Variants in FRMD4A observed in about 807,000 individuals in gnomAD.
FRMD4A encodes the protein FERM domain-containing protein 4A.
A neutral mutation model predicts 129.1 loss-of-function variants in FRMD4A; 29 were observed. The observed-to-expected ratio is 0.22, with a 90% CI of 0.17 to 0.31. FRMD4A has a LOEUF of 0.31. Ranked by LOEUF, FRMD4A falls within the 10% of genes least tolerant of loss-of-function variation. FRMD4A has a pLI of 1.00. For synonymous variants in FRMD4A, 634 were observed against 571.6 expected (o/e 1.11, Z -1.56); for missense variants, 1,272 against 1,375.8 (o/e 0.92, Z 1.19).
At chr10:13,712,408 G>A (rs1042881700) in intron 12 of FRMD4A, among the ~76,000 whole-genome samples, 13 of 152,066 alleles carry the variant, frequency 8.5e-5, no homozygotes, top group Non-Finnish European at 1.6e-4. Context: ...TAACTACTCC[G>A]GAGGCTGAGG....
chr10:14,282,063 A>T (rs1845538835), intron 2 of FRMD4A, among the ~76,000 whole-genome samples: 2 of 152,214 alleles, frequency 1.3e-5, no homozygotes, highest in African/African-American at 4.8e-5. Context: ...AAGAGAAAGA[A>T]TGAGAACCAA....
Position 13,647,647 on chromosome 10 carries a change from C to G in FRMD4A, c.*3-612G>C, listed in dbSNP as rs148161756. On this transcript the variant is annotated intron_variant, in intron 24 of 24. Transcript: ENST00000357447. ...TTAAAAAAAATCAATGATGACTTTG[C>G]TTTATTCTAAATAACATGCATTGTT... 14 of 150,996 alleles carry G rather than the reference C, an allele frequency of 9.3e-5. No homozygotes were observed. The East Asian group carries it at 2.7e-3, about 29-fold the overall frequency. The allele number at this position is 150,996 out of a possible 1,614,324, so 9.4% of individuals were successfully genotyped here. A position where few individuals can be genotyped will look rare whatever the true frequency, so the allele number is the denominator to read the frequency against.
chr10:14,231,966 G>A (rs1479837489), intron 2 of FRMD4A, among the ~76,000 whole-genome samples: 1 of 152,110 alleles, frequency 6.6e-6, no homozygotes, highest in Non-Finnish European at 1.5e-5. Context: ...TGTTTTCATG[G>A]TAATTGCTTT....
intron 2 of FRMD4A, among the ~76,000 whole-genome samples, chr10:14,183,992 T>C (rs1164253489): frequency 6.6e-6 from 1 of 152,196 alleles, no homozygotes; most frequent in African/African-American, 2.4e-5. Flanking sequence ...AGGCTTAATT[T>C]GAAAACTTTG....
chr10:13,846,173 G>A (rs2094042333), intron 3 of FRMD4A, among the ~76,000 whole-genome samples: 1 of 152,176 alleles, frequency 6.6e-6, no homozygotes, highest in Non-Finnish European at 1.5e-5. Flanking sequence ...TAATCACTAA[G>A]CTATATAATT....
At chr10:14,228,589 G>C (rs888956377) in intron 2 of FRMD4A, among the ~76,000 whole-genome samples, 4 of 152,178 alleles carry the variant, frequency 2.6e-5, no homozygotes, top group Non-Finnish European at 5.9e-5. Context: ...GAAACAAGAG[G>C]GTGATATAGC....
intron 5 of FRMD4A, among the ~76,000 whole-genome samples, chr10:13,793,572 G>T (rs1478330130): frequency 1.3e-5 from 2 of 152,182 alleles, no homozygotes; most frequent in African/African-American, 2.4e-5. Flanking sequence ...AAGGAGAAAG[G>T]ATTTGAGGAA....
intron 2 of FRMD4A, among the ~76,000 whole-genome samples, chr10:13,942,015 G>A (rs532242604): frequency 3.9e-5 from 6 of 152,266 alleles, no homozygotes; most frequent in African/African-American, 7.2e-5. Flanking sequence ...CTTCCAGAGC[G>A]GTCACTCCAG....
intron 2 of FRMD4A, among the ~76,000 whole-genome samples, chr10:13,983,211 T>A (rs568726321): frequency 5.9e-4 from 90 of 152,280 alleles, no homozygotes; most frequent in African/African-American, 2.0e-3. Context: ...GTGTCCCATA[T>A]AAGTGAAATA....
intron 2 of FRMD4A, among the ~76,000 whole-genome samples, chr10:14,289,838 G>A (rs1845796520): frequency 1.3e-5 from 2 of 151,994 alleles, no homozygotes; most frequent in South Asian, 4.1e-4. Context: ...CAGATGATAT[G>A]CTCTTATATA....
chr10:13,739,336 A>G (rs1421747354), intron 11 of FRMD4A, among the ~76,000 whole-genome samples: 1 of 152,186 alleles, frequency 6.6e-6, no homozygotes, highest in African/African-American at 2.4e-5. Context: ...ACAAGAGGAA[A>G]CCCAATGCCA....
Position 13,646,072 on chromosome 10 carries a change from T to A in FRMD4A, c.*966A>T, listed in dbSNP as rs2081098811. 1 of 152,238 alleles carries A rather than the reference T, an allele frequency of 6.6e-6. No individual in the cohort carries two copies. Among genetic ancestry groups the A allele is most frequent in the Non-Finnish European group, 1.5e-5 (1 of 68,030 alleles). 9.4% of individuals were successfully genotyped at this position (152,238 alleles called of 1,614,324 possible). A position where few individuals can be genotyped will look rare whatever the true frequency, so the allele number is the denominator to read the frequency against. ...TCTACGACTCCCACAGGTCTCTCTT[T>A]GTGTCCAGATGGATGGCGACTGTGA... On this transcript the variant is annotated 3_prime_UTR_variant, in exon 25 of 25. Transcript: ENST00000357447.
chr10:13,662,232 C>T (rs1240526905), intron 19 of FRMD4A, among the ~76,000 whole-genome samples: 10 of 152,178 alleles, frequency 6.6e-5, no homozygotes, highest in Admixed American at 2.0e-4. Context: ...AGCCCAATGG[C>T]GTCCCCGGCT....
chr10:14,178,560 A>AAG (rs148210055), intron 2 of FRMD4A, among the ~76,000 whole-genome samples: 1,772 of 152,240 alleles, frequency 0.012, 33 homozygotes, highest in African/African-American at 0.04. Flanking sequence ...AGGGGGCAGG[A>AAG]AGAGAGAGAG....
chr10:14,301,381 G>A (rs1042322628), intron 2 of FRMD4A, among the ~76,000 whole-genome samples: 2 of 152,234 alleles, frequency 1.3e-5, no homozygotes, highest in African/African-American at 4.8e-5. Flanking sequence ...GTTGTCAGAA[G>A]TGGGATGGTC....
chr10:14,232,187 A>C (rs1589205362), intron 2 of FRMD4A, among the ~76,000 whole-genome samples: 2 of 152,188 alleles, frequency 1.3e-5, no homozygotes, highest in African/African-American at 2.4e-5. Flanking sequence ...TGAATAGGGA[A>C]TCCTTTTCCC....
chr10:14,038,323 A>AAAAT (rs959649895), intron 2 of FRMD4A, among the ~76,000 whole-genome samples: 2 of 152,244 alleles, frequency 1.3e-5, no homozygotes, highest in Admixed American at 6.5e-5. Flanking sequence ...ACTCCGTCTC[A>AAAAT]AAATAAATAA....
chr10:13,989,190 C>G (rs540189992), intron 2 of FRMD4A, among the ~76,000 whole-genome samples: 7 of 152,054 alleles, frequency 4.6e-5, no homozygotes, highest in African/African-American at 1.7e-4. Flanking sequence ...TGCGTCTTAG[C>G]GGTAGTGGCT....
intron 2 of FRMD4A, among the ~76,000 whole-genome samples, chr10:13,900,194 G>A (rs998401831): frequency 1.3e-5 from 2 of 152,150 alleles, no homozygotes; most frequent in Admixed American, 1.3e-4. Flanking sequence ...TGTGGCCTGC[G>A]ATCAAGTACT....
Sources: gnomAD v4.1 joint callset for allele counts (sites outside exome capture counted in the v4.1 genomes callset) on GRCh38, gnomAD v4.1.1 for gene constraint, MANE v1.5 for transcripts, NCBI Gene and HGNC (gene_info 2026-07-23, HGNC 2026-07-21) for gene names.